Variants in CDH23 observed in about 807,000 individuals in gnomAD.
CDH23 encodes the protein cadherin related 23, also known as cadherin-23.
Under a neutral mutation model 317.1 loss-of-function variants are expected in CDH23, and 189 were observed. The ratio of observed to expected loss-of-function variants is 0.60; its 90% CI spans 0.53 to 0.67. CDH23 has a LOEUF of 0.67. CDH23 is among the 30% of genes least tolerant of loss of function. The pLI is 0.00. For synonymous variants in CDH23, 1,839 were observed against 1,876.8 expected (o/e 0.98, Z 0.52); for missense variants, 4,401 against 4,592.4 (o/e 0.96, Z 1.20).
Position 71,627,371 on chromosome 10 carries a change from G to GTGA in CDH23, c.1134+10003_1134+10005dup, listed in dbSNP as rs67455069. ...AGTTGCCTTCAGTGAGGCCCTTATT[G>GTGA]TGATGATGATGATGATGATGATGAT... On this transcript the variant is annotated intron_variant, in intron 11 of 69. Coordinates refer to ENST00000224721, the MANE Select transcript of CDH23 (RefSeq NM_022124.6). Among the ~76,000 whole-genome samples, 41 of 151,138 alleles carry GTGA rather than the reference G, an allele frequency of 2.7e-4. 1 individual carries two copies. The highest frequency in any genetic ancestry group is 3.1e-4 in the Non-Finnish European group (21 of 67,766).
At position 71,734,475 on chromosome 10, in the gene CDH23, G is replaced by A. The variant is rs565109979; in HGVS notation, c.4206+134G>A. 80 of 1,506,542 alleles carry A rather than the reference G, an allele frequency of 5.3e-5. No homozygotes were observed. The East Asian group carries it at 1.4e-3, about 26-fold the overall frequency. The allele number at this position is 1,506,542 out of a possible 1,614,324, so 93.3% of individuals were successfully genotyped here. A position where few individuals can be genotyped will look rare whatever the true frequency, so the allele number is the denominator to read the frequency against. ...GAGGGTCTTGATAGCCTGAGGCTTC[G>A]CCATGTCCAGCCATGCCACACCTTC... On this transcript the variant is annotated intron_variant, in intron 33 of 69. Transcript: ENST00000224721.
chr10:71,697,677 A>G (rs1865443379), intron 22 of CDH23, among the ~76,000 whole-genome samples: 1 of 152,018 alleles, frequency 6.6e-6, no homozygotes, highest in African/African-American at 2.4e-5. Flanking sequence ...GTCTCAAAAA[A>G]AAAAAGGAAG....
At chr10:71,497,504 G>GA (rs11302381) in intron 3 of CDH23, among the ~76,000 whole-genome samples, 12 of 151,182 alleles carry the variant, frequency 7.9e-5, no homozygotes, top group East Asian at 2.0e-4. Context: ...TTTCAGGGCA[G>GA]AAAAAAAAAA....
intron 1 of CDH23, among the ~76,000 whole-genome samples, chr10:71,437,324 G>A (rs138353642): frequency 0.013 from 1,910 of 152,358 alleles, 13 homozygotes; most frequent in South Asian, 0.028. Context: ...TGTACAGAGA[G>A]ATGTTCGCGG....
chr10:71,528,852 G>A (rs1855194462), intron 6 of CDH23, among the ~76,000 whole-genome samples: 2 of 152,234 alleles, frequency 1.3e-5, no homozygotes, highest in African/African-American at 4.8e-5. Context: ...CTGGGGATGG[G>A]GGAGGGTCTC....
Position 71,732,257 on chromosome 10 carries a change from G to T in CDH23, c.3986G>T (p.Gly1329Val). The T allele has an allele frequency of 6.2e-7, 1 of 1,613,708 alleles. No homozygotes were observed. The change falls in exon 32 of 70, where the codon GGT becomes GTT. Residue 1329 changes from glycine to valine, a missense_variant. By Grantham distance (109) the Gly-to-Val change is moderately radical. Transcript: ENST00000224721. Reference protein sequence around the residue: ...EAAILENLALGTEIVRVQAYS... With the variant: ...EAAILENLALVTEIVRVQAYS... ...GCCATCCTGGAGAATCTGGCACTGG[G>T]TACTGAGATTGTGCGGGTCCAGGCC...
chr10:71,571,009 GGGCTCCTCCTT>G, intron 8 of CDH23, 91 bp downstream of exon 8: 2 of 1,465,222 alleles, frequency 1.4e-6, no homozygotes, highest in Non-Finnish European at 9.4e-7. Context: ...TTAGTGGGCT[GGGCTCCTCCTT>G]GGCTCCTCCG....
In CDH23 at chr10:71,789,130, G is replaced by A. The variant is rs1841177097; in HGVS notation, c.5923+88G>A. 4.2e-6 allele frequency: 3 copies of A among 718,944 alleles called. No homozygotes were observed. In the South Asian group the frequency reaches 4.5e-5, roughly 11 times the overall value. The allele number at this position is 718,944 out of a possible 1,614,324, so 44.5% of individuals were successfully genotyped here. The stretch of plus-strand genomic sequence containing the variant: ...CTGAGGACCTCCCTTATGCCTAACG[G>A]CATAGCTGAACCTAGACCCCAGTGG... On this transcript the variant is annotated intron_variant, in intron 45 of 69. Transcript: ENST00000224721.
At chr10:71,789,900 G>T (rs1432566418) in intron 45 of CDH23, among the ~76,000 whole-genome samples, 1 of 152,216 alleles carries the variant, frequency 6.6e-6, no homozygotes, top group African/African-American at 2.4e-5. Context: ...TGTATGGCCA[G>T]GCCCCCAAAG....
chr10:71,762,001 G>A, intron 38 of CDH23: 1 of 1,608,746 alleles, frequency 6.2e-7, no homozygotes, highest in East Asian at 2.2e-5. Context: ...AATACGGCGT[G>A]GCGACCTTGA....
chr10:71,397,162 G>T lies in CDH23; in HGVS notation c.-162G>T, dbSNP rs1452841465. The T allele has an allele frequency of 1.4e-5, 3 of 214,662 alleles. No individual in the cohort carries two copies. Among genetic ancestry groups the T allele is most frequent in the African/African-American group, 4.9e-5 (2 of 40,924 alleles). 13.3% of individuals were successfully genotyped at this position (214,662 alleles called of 1,614,324 possible). A position where few individuals can be genotyped will look rare whatever the true frequency, so the allele number is the denominator to read the frequency against. ...CGGCGAGCGGCGAGCGGCCCGCGGAGACCCAGGAGCTGCCGGCACGCCGCG... is the reference window on the plus strand; with the variant it reads ...CGGCGAGCGGCGAGCGGCCCGCGGATACCCAGGAGCTGCCGGCACGCCGCG... On this transcript the variant is annotated 5_prime_UTR_variant, in exon 1 of 70. Transcript: ENST00000224721. This position sits in a 1 kb window ranked among gnomAD's most constrained non-coding sequence, Gnocchi z 4.8.
intron 15 of CDH23, 107 bp downstream of exon 15, chr10:71,675,283 G>A: frequency 1.1e-6 from 1 of 917,326 alleles, no homozygotes; most frequent in South Asian, 1.4e-5. Context: ...GAGGTGCTGG[G>A]TCCTGTGGCT....
chr10:71,665,312 C>A (rs1414146044), intron 14 of CDH23, among the ~76,000 whole-genome samples: 2 of 152,208 alleles, frequency 1.3e-5, no homozygotes, highest in African/African-American at 2.4e-5. Context: ...TCCCTGACCA[C>A]CCTGGTCCAA....
Position 71,799,638 on chromosome 10 carries a change from T to A in CDH23, c.7362+9T>A, listed in dbSNP as rs771051351. On this transcript the variant is annotated intron_variant, in intron 52 of 69. Coordinates refer to ENST00000224721, the MANE Select transcript of CDH23 (RefSeq NM_022124.6). ...CCATCAACCCCACCACGGTGAGCAG[T>A]GATGGAGGGCCTGGAATTTGGAAGT... is the stretch of plus-strand genomic sequence containing the variant. 6.2e-7 allele frequency: 1 copy of A among 1,613,934 alleles called. No homozygotes were observed. Among genetic ancestry groups the A allele is most frequent in the South Asian group, 1.1e-5 (1 of 91,084 alleles).
At chr10:71,421,559 T>C (rs1268297302) in intron 1 of CDH23, among the ~76,000 whole-genome samples, 5 of 152,224 alleles carry the variant, frequency 3.3e-5, no homozygotes, top group Admixed American at 6.5e-5. Context: ...ACTCATTAGA[T>C]TAAAATAAAC....
chr10:71,712,886 A>G, intron 28 of CDH23, 73 bp downstream of exon 28: 3 of 1,538,204 alleles, frequency 2.0e-6, no homozygotes, highest in Non-Finnish European at 2.7e-6. Context: ...CTGAGGGCAC[A>G]TGCTCAGTGG....
In CDH23 at chr10:71,645,959, C is replaced by A. The variant is rs372340806; in HGVS notation, c.1269C>A (p.Thr423=). The A allele has an allele frequency of 6.2e-7, 1 of 1,612,960 alleles. No homozygotes were observed. The highest frequency in any genetic ancestry group is 1.1e-5 in the South Asian group (1 of 90,932). The change falls in exon 13 of 70, where the codon ACC becomes ACA. Residue 423 remains threonine, a synonymous_variant. Coordinates refer to ENST00000224721, the MANE Select transcript of CDH23 (RefSeq NM_022124.6). ...TGGCCATCCCACTGGACTACGAGAC[C>A]GTGGACCGCTACGACTTTGATGTAA... ...IRVAIPLDYE[T]VDRYDFDLFA...
At position 71,730,515 on chromosome 10, in the gene CDH23, C is replaced by G. The variant is rs1218927609; in HGVS notation, c.3626C>G (p.Thr1209Arg). ...EDINDEAPVF[T>R]QQQYSRLGLR... ...ATCAACGATGAGGCCCCCGTGTTCA[C>G]ACAGCAGCAGTACAGCCGTCTGGGG... Residue 1209 changes from threonine (T) to arginine (R), a missense_variant, in exon 31 of 70, where the codon ACA becomes AGA. Around this residue, in one of 3 missense-constraint regions of CDH23, gnomAD observed 3,068 missense variants for 3,203.3 expected, o/e 0.96. Transcript: ENST00000224721. 6.2e-7 allele frequency: 1 copy of G among 1,613,978 alleles called. No homozygotes were observed. Among genetic ancestry groups the G allele is most frequent in the African/African-American group, 1.3e-5 (1 of 75,048 alleles).
At chr10:71,614,519 G>T (rs913609880) in intron 9 of CDH23, among the ~76,000 whole-genome samples, 3 of 152,204 alleles carry the variant, frequency 2.0e-5, no homozygotes, top group Non-Finnish European at 4.4e-5. Context: ...CGTTGGCCAG[G>T]TACCTTAAGG....
Sources: allele counts gnomAD v4.1 joint callset (sites outside exome capture counted in the v4.1 genomes callset), GRCh38; gene constraint gnomAD v4.1.1; regional missense constraint gnomAD v4.1.1; non-coding constraint Gnocchi (gnomAD v3.1); transcripts MANE v1.5; gene names NCBI Gene and HGNC (gene_info 2026-07-23, HGNC 2026-07-21).